The following ASIC2 variants were observed in gnomAD, a reference collection of about 807,000 sequenced individuals.
ASIC2 encodes the protein acid-sensing ion channel 2.
In ASIC2, 25 loss-of-function variants were observed where a neutral mutation model predicts 57.3. The observed-to-expected ratio is 0.44, with a 90% CI of 0.32 to 0.61. ASIC2 has a LOEUF of 0.61. ASIC2 is among the 20% of genes least tolerant of loss of function. ASIC2 has a pLI of 0.06. For missense variants in ASIC2, 641 were observed against 738.1 expected (o/e 0.87, Z 1.52); for synonymous variants, 319 against 307.5 (o/e 1.04, Z -0.39).
intron 1 of ASIC2, among the ~76,000 whole-genome samples, chr17:33,755,933 G>C (rs1254868125): frequency 6.6e-6 from 1 of 152,214 alleles, no homozygotes; most frequent in South Asian, 2.1e-4. Flanking sequence ...CCTCAACATG[G>C]TGATGGATGA....
chr17:33,500,014 CAG>C (rs1914053197), intron 1 of ASIC2, among the ~76,000 whole-genome samples: 1 of 151,526 alleles, frequency 6.6e-6, no homozygotes, highest in Non-Finnish European at 1.5e-5. Flanking sequence ...TAATTTTTGA[CAG>C]AGTTTTGACT....
At chr17:33,836,404 A>C (rs1200266464) in intron 1 of ASIC2, among the ~76,000 whole-genome samples, 2 of 152,038 alleles carry the variant, frequency 1.3e-5, no homozygotes, top group African/African-American at 4.8e-5. Context: ...CTGGTCTTGA[A>C]ATCTTGAGCA....
intron 1 of ASIC2, among the ~76,000 whole-genome samples, chr17:33,778,009 A>G (rs1911335877): frequency 6.6e-6 from 1 of 152,132 alleles, no homozygotes; most frequent in Non-Finnish European, 1.5e-5. Context: ...TAGCACTATC[A>G]ATGACCTTAC....
At chr17:33,813,425 G>A (rs115080785) in intron 1 of ASIC2, among the ~76,000 whole-genome samples, 1 of 152,224 alleles carries the variant, frequency 6.6e-6, no homozygotes, top group African/African-American at 2.4e-5. Context: ...TTAAAGCCAA[G>A]TTTTTTTGTT....
chr17:33,601,693 G>A (rs531553094), intron 1 of ASIC2, among the ~76,000 whole-genome samples: 11 of 152,204 alleles, frequency 7.2e-5, no homozygotes. Flanking sequence ...GGGGTACCCA[G>A]CATGCAACTC....
chr17:34,117,276 G>A (rs1212045409), intron 1 of ASIC2, among the ~76,000 whole-genome samples: 1 of 152,150 alleles, frequency 6.6e-6, no homozygotes, highest in Non-Finnish European at 1.5e-5. Flanking sequence ...ACAAATTATA[G>A]AACAGCCCAG....
intron 1 of ASIC2, among the ~76,000 whole-genome samples, chr17:33,915,111 G>C (rs1416497717): frequency 6.6e-6 from 1 of 152,144 alleles, no homozygotes; most frequent in Non-Finnish European, 1.5e-5. Context: ...CATCAGCAAT[G>C]AAATTAAATG....
chr17:33,159,262 C>T (rs1244555487), intron 1 of ASIC2, among the ~76,000 whole-genome samples: 1 of 152,222 alleles, frequency 6.6e-6, no homozygotes, highest in African/African-American at 2.4e-5. Context: ...TTCAACGATG[C>T]ATCATCTATC....
chr17:33,526,222 T>C (rs969293468), intron 1 of ASIC2, among the ~76,000 whole-genome samples: 4 of 152,168 alleles, frequency 2.6e-5, no homozygotes, highest in Admixed American at 1.3e-4. Flanking sequence ...CAACATCCTG[T>C]CTTAGAATTC....
At chr17:33,655,825 A>C (rs1160341458) in intron 1 of ASIC2, among the ~76,000 whole-genome samples, 2 of 152,214 alleles carry the variant, frequency 1.3e-5, no homozygotes, top group African/African-American at 4.8e-5. Flanking sequence ...CATGTAGAAA[A>C]AAATCTTAAT....
chr17:33,251,199 T>G (rs1483940086), intron 1 of ASIC2, among the ~76,000 whole-genome samples: 1 of 152,256 alleles, frequency 6.6e-6, no homozygotes, highest in Non-Finnish European at 1.5e-5. Flanking sequence ...TTCTTGCAGT[T>G]GATCTCTACA....
intron 1 of ASIC2, among the ~76,000 whole-genome samples, chr17:33,446,095 C>T (rs1012953991): frequency 5.3e-5 from 8 of 151,902 alleles, no homozygotes; most frequent in South Asian, 4.2e-4. Flanking sequence ...TCTACCACAC[C>T]GCTGAAAGAG....
intron 3 of ASIC2, among the ~76,000 whole-genome samples, chr17:33,036,824 C>G (rs2091910413): frequency 6.6e-6 from 1 of 152,068 alleles, no homozygotes; most frequent in Non-Finnish European, 1.5e-5. Flanking sequence ...ACAGAGATTT[C>G]CTGTATGACC....
intron 1 of ASIC2, among the ~76,000 whole-genome samples, chr17:33,516,567 G>A (rs1026862097): frequency 1.5e-4 from 23 of 152,190 alleles, no homozygotes; most frequent in African/African-American, 5.3e-4. Context: ...TTGGTCTGGA[G>A]TGGACCCTGG....
chr17:33,844,362 A>T (rs537886604), intron 1 of ASIC2, among the ~76,000 whole-genome samples: 1 of 152,292 alleles, frequency 6.6e-6, no homozygotes, highest in East Asian at 1.9e-4. Flanking sequence ...ATTCTCCAAC[A>T]CTGGATGGGA....
At chr17:33,411,976 C>G (rs1325071923) in intron 1 of ASIC2, among the ~76,000 whole-genome samples, 1 of 152,130 alleles carries the variant, frequency 6.6e-6, no homozygotes, top group Non-Finnish European at 1.5e-5. Context: ...TTGAACAAAT[C>G]TGTGAGTGCT....
intron 1 of ASIC2, among the ~76,000 whole-genome samples, chr17:33,801,102 C>G (rs1424070640): frequency 6.6e-6 from 1 of 152,188 alleles, no homozygotes; most frequent in Non-Finnish European, 1.5e-5. Flanking sequence ...CGTCAGAAAG[C>G]TTTGGTGTCC....
chr17:33,986,744 T>C (rs1281564752), intron 1 of ASIC2, among the ~76,000 whole-genome samples: 1 of 152,088 alleles, frequency 6.6e-6, no homozygotes, highest in Non-Finnish European at 1.5e-5. Context: ...AGTAATCCTT[T>C]GAGGTGAGTC....
At chr17:33,883,040 A>G (rs1336209362) in intron 1 of ASIC2, among the ~76,000 whole-genome samples, 2 of 152,146 alleles carry the variant, frequency 1.3e-5, no homozygotes, top group Non-Finnish European at 2.9e-5. Context: ...GTTCTCACTC[A>G]TAGGTGGGAA....
Sources: allele counts gnomAD v4.1 joint callset (sites outside exome capture counted in the v4.1 genomes callset), GRCh38; gene constraint gnomAD v4.1.1; transcripts MANE v1.5; gene names NCBI Gene and HGNC (gene_info 2026-07-23, HGNC 2026-07-21).